Variants in UTP18 observed in about 807,000 individuals in gnomAD.
UTP18 encodes U3 small nucleolar RNA-associated protein 18 homolog.
In UTP18, 36 loss-of-function variants were observed where a neutral mutation model predicts 61.1. The ratio of observed to expected loss-of-function variants is 0.59; its 90% CI spans 0.45 to 0.78. The LOEUF is 0.78. UTP18 is among the 30% of genes least tolerant of loss of function. UTP18 has a pLI of 0.00. For synonymous variants in UTP18, 282 were observed against 251.1 expected (o/e 1.12, Z -1.16); for missense variants, 753 against 693.9 (o/e 1.09, Z -0.96).
At chr17:51,263,011 G>C (rs577144056) in intron 1 of UTP18, among the ~76,000 whole-genome samples, 6 of 152,140 alleles carry the variant, frequency 3.9e-5, no homozygotes, top group Non-Finnish European at 8.8e-5. Flanking sequence ...TGTCTTACTT[G>C]GTGTTTTCCT....
Position 51,288,262 on chromosome 17 carries a change from C to T in UTP18, c.1503+59C>T. 3 of 1,433,510 alleles carry T rather than the reference C, an allele frequency of 2.1e-6. No homozygotes were observed. In the Admixed American group the frequency reaches 7.3e-5, roughly 35 times the overall value. 88.8% of individuals were successfully genotyped at this position (1,433,510 alleles called of 1,614,324 possible). A position where few individuals can be genotyped will look rare whatever the true frequency, so the allele number is the denominator to read the frequency against. The stretch of plus-strand genomic sequence containing the variant: ...TTTTTAAATTTAAGTTGAAAACATG[C>T]AAGAGTAACAGGAAAGGAGAGCGTT... On this transcript the variant is annotated intron_variant, in intron 11 of 13. Transcript: ENST00000225298.
intron 7 of UTP18, 99 bp from the exon 8 acceptor site, chr17:51,279,906 T>C (rs1904855531): frequency 1.0e-6 from 1 of 982,942 alleles, no homozygotes; most frequent in South Asian, 1.7e-5. Context: ...TTTGAGCCAC[T>C]TACGTATTTT....
At chr17:51,280,349 T>C in intron 8 of UTP18, 40 bp from the exon 9 acceptor site, 1 of 1,596,702 alleles carries the variant, frequency 6.3e-7, no homozygotes, top group Non-Finnish European at 8.6e-7. Context: ...TTCTTCTGTA[T>C]ACTTTCTAAC....
chr17:51,267,161 T>C lies in UTP18; in HGVS notation c.554+881T>C, dbSNP rs1336593208. On this transcript the variant is annotated intron_variant, in intron 3 of 13. Coordinates refer to ENST00000225298, the MANE Select transcript of UTP18 (RefSeq NM_016001.3). ...TATTTTTTTGTAGAGATGAGGTTTT[T>C]CGCCATGTCGCCCAGGCTGGTCTTG... Among the ~76,000 whole-genome samples the C allele has an allele frequency of 3.3e-5, 5 of 152,278 alleles. No homozygotes were observed. In the East Asian group the frequency reaches 7.7e-4, roughly 24 times the overall value.
At position 51,260,899 on chromosome 17, in the gene UTP18, G is replaced by T; in HGVS notation, c.315G>T (p.Ala105=). 1.3e-6 allele frequency: 2 copies of T among 1,594,484 alleles called. No homozygotes were observed. Among genetic ancestry groups the T allele is most frequent in the Non-Finnish European group, 1.7e-6 (2 of 1,171,944 alleles). Residue 105 remains alanine, a synonymous_variant, in exon 1 of 14, where the codon GCG becomes GCT. Transcript: ENST00000225298. ...VFGDVENDED[A]LLRRLRGPRV... is the part of the protein sequence containing the mutation. ...GCGACGTCGAGAACGACGAGGACGC[G>T]TTGCTGCGGCGTCTGCGAGGCCCGA...
chr17:51,296,746 GA>G, intron 12 of UTP18: 1 of 481,116 alleles, frequency 2.1e-6, no homozygotes, highest in East Asian at 3.6e-5. Flanking sequence ...CCCCCCATGT[GA>G]AACTTTGGAG....
At chr17:51,279,001 A>C (rs555328719) in intron 7 of UTP18, among the ~76,000 whole-genome samples, 1 of 152,244 alleles carries the variant, frequency 6.6e-6, no homozygotes, top group African/African-American at 2.4e-5. Context: ...AAGTAGCCTT[A>C]ATTTGTATTT....
At position 51,276,512 on chromosome 17, in the gene UTP18, G is replaced by A. The variant is rs147281058; in HGVS notation, c.837+521G>A. ...TTTTCTGGTGAGTTATTAGAGCAAA[G>A]CGATAATATAACCTCATGACTTTAC... On this transcript the variant is annotated intron_variant, in intron 6 of 13. Transcript: ENST00000225298. Among the ~76,000 whole-genome samples, 32 of 152,296 alleles carry A rather than the reference G, an allele frequency of 2.1e-4. 1 individual carries two copies. In the East Asian group the frequency reaches 6.0e-3, roughly 28 times the overall value.
chr17:51,270,174 C>T (rs2318787), intron 4 of UTP18, among the ~76,000 whole-genome samples: 3,512 of 152,186 alleles, frequency 0.023, 61 homozygotes, highest in Non-Finnish European at 0.031. Flanking sequence ...CCCCTTCTTC[C>T]CTTTTCTTTA....
chr17:51,271,587 A>AT (rs1598476956), intron 4 of UTP18, among the ~76,000 whole-genome samples: 2 of 146,836 alleles, frequency 1.4e-5, no homozygotes, highest in Non-Finnish European at 3.0e-5. Flanking sequence ...TATTTTTCTG[A>AT]TTCGTTTTCT....
chr17:51,280,507 G>C, intron 9 of UTP18, 28 bp downstream of exon 9: 1 of 1,610,066 alleles, frequency 6.2e-7, no homozygotes, highest in Non-Finnish European at 8.5e-7. Context: ...AAGAAGCTAA[G>C]GATATTTTTA....
At position 51,295,719 on chromosome 17, in the gene UTP18, T is replaced by C. The variant is rs1036913192; in HGVS notation, c.1647-1246T>C. Among the ~76,000 whole-genome samples the C allele has an allele frequency of 3.7e-4, 57 of 152,290 alleles. 1 individual carries two copies. The highest frequency in any genetic ancestry group is 2.1e-4 in the South Asian group (1 of 4,830). ...GTTCCATATGAACTTTAAAGTAGTT[T>C]TTTCCAATTCTGTGAAGAAAGTCAT... On this transcript the variant is annotated intron_variant, in intron 12 of 13. Transcript: ENST00000225298.
rs1427398148 is a variant in UTP18, at chr17:51,260,902, G to T, written c.318G>T (p.Leu106Phe). 1 of 1,593,322 alleles carries T rather than the reference G, an allele frequency of 6.3e-7. No individual in the cohort carries two copies. Residue 106 changes from leucine to phenylalanine, a missense_variant, in exon 1 of 14, where the codon TTG (leucine) becomes TTT (phenylalanine). By Grantham distance (22) the Leu-to-Phe change is conservative. Transcript: ENST00000225298. Reference protein sequence around the residue: ...FGDVENDEDALLRRLRGPRVQ... With the variant: ...FGDVENDEDAFLRRLRGPRVQ... ...ACGTCGAGAACGACGAGGACGCGTTGCTGCGGCGTCTGCGAGGCCCGAGGG... is the reference window on the plus strand; with the variant it reads ...ACGTCGAGAACGACGAGGACGCGTTTCTGCGGCGTCTGCGAGGCCCGAGGG...
intron 11 of UTP18, among the ~76,000 whole-genome samples, chr17:51,290,455 AAG>A (rs543338568): frequency 8.9e-4 from 136 of 152,262 alleles, no homozygotes; most frequent in Non-Finnish European, 6.0e-4. Context: ...TTGCTGGAAA[AAG>A]AGTGTGAAAA....
At chr17:51,263,206 A>C in intron 1 of UTP18, 68 bp from the exon 2 acceptor site, 89 of 1,193,024 alleles carry the variant, frequency 7.5e-5, no homozygotes, top group Non-Finnish European at 9.5e-5. Context: ...ATTTGGCTGT[A>C]AGGCCTATGT....
At chr17:51,264,908 G>A (rs1486856954) in intron 2 of UTP18, among the ~76,000 whole-genome samples, 1 of 151,744 alleles carries the variant, frequency 6.6e-6, no homozygotes, top group African/African-American at 2.4e-5. Context: ...GTCTCGAACT[G>A]TTGACCTCAA....
At chr17:51,282,482 A>AGGG (rs1340401199) in intron 9 of UTP18, among the ~76,000 whole-genome samples, 1 of 143,650 alleles carries the variant, frequency 7.0e-6, no homozygotes, top group Non-Finnish European at 1.5e-5. Flanking sequence ...AGAGGAAGGA[A>AGGG]GGGAGGGAGG....
At chr17:51,296,915 C>T in intron 12 of UTP18, 50 bp from the exon 13 acceptor site, 1 of 1,564,978 alleles carries the variant, frequency 6.4e-7, no homozygotes, top group Non-Finnish European at 8.7e-7. Flanking sequence ...ATTGAAAACA[C>T]TGTGGGTAAT....
In UTP18 at chr17:51,277,116, G is replaced by C. The variant is rs768049603; in HGVS notation, c.838-14G>C. 7.4e-6 allele frequency: 12 copies of C among 1,611,040 alleles called. No individual in the cohort carries two copies. In the Admixed American group the frequency reaches 2.0e-4, roughly 27 times the overall value. On this transcript the variant is annotated splice_polypyrimidine_tract_variant and intron_variant, in intron 6 of 13. Coordinates refer to ENST00000225298, the MANE Select transcript of UTP18 (RefSeq NM_016001.3). ...TGGAAATAATCAAAAGAACCATTTTGTACTTCTTTATAGGTTGATGGGAAA... is the reference window on the plus strand; with the variant it reads ...TGGAAATAATCAAAAGAACCATTTTCTACTTCTTTATAGGTTGATGGGAAA...
Sources: allele counts gnomAD v4.1 joint callset (sites outside exome capture counted in the v4.1 genomes callset), GRCh38; gene constraint gnomAD v4.1.1; transcripts MANE v1.5; gene names NCBI Gene and HGNC (gene_info 2026-07-23, HGNC 2026-07-21).